LPP: variants seen among roughly 807,000 people sequenced by gnomAD.
LPP encodes lipoma-preferred partner.
In LPP, 38 loss-of-function variants were observed where a neutral mutation model predicts 60.4. The ratio of observed to expected loss-of-function variants is 0.63; its 90% CI spans 0.49 to 0.83. The LOEUF (loss-of-function observed/expected upper bound fraction) is 0.83. Ranked by LOEUF, LPP falls within the 40% of genes least tolerant of loss-of-function variation. The pLI is 0.00. For missense variants in LPP, 902 were observed against 783.6 expected, an observed-to-expected ratio of 1.15 and a Z score of -1.80; for synonymous variants, 328 against 290.8, an observed-to-expected ratio of 1.13 and a Z score of -1.30.
At chr3:188,578,881 G>C (rs1835395726) in intron 6 of LPP, among the ~76,000 whole-genome samples, 1 of 152,134 alleles carries the variant, frequency 6.6e-6, no homozygotes, top group African/African-American at 2.4e-5. Context: ...CCCACTCTAA[G>C]CATCTTTCAG....
intron 3 of LPP, among the ~76,000 whole-genome samples, chr3:188,361,670 G>A (rs1460491135): frequency 2.6e-5 from 4 of 151,812 alleles, no homozygotes; most frequent in East Asian, 1.9e-4. Flanking sequence ...GGGTCCAAGC[G>A]ATTCTCATGC....
chr3:188,707,313 G>A (rs1242966277), intron 7 of LPP, among the ~76,000 whole-genome samples: 6 of 152,074 alleles, frequency 3.9e-5, no homozygotes, highest in Non-Finnish European at 1.5e-5. Flanking sequence ...ATAGACAAAG[G>A]CCCCAGTGGC....
rs2150849956 is a variant in LPP, at chr3:188,354,177, A to G, written c.-10+12458A>G. ...TCTGAAAAGAAAAACACACACACAC[A>G]AATGTCGAGCAGTCTTCTTTTTTTA... On this transcript the variant is annotated intron_variant, in intron 3 of 11. Transcript: ENST00000617246. Among the ~76,000 whole-genome samples the G allele has an allele frequency of 2.0e-5, 3 of 152,264 alleles. 1 individual carries two copies. In the South Asian group the frequency reaches 6.2e-4, roughly 32 times the overall value.
intron 9 of LPP, among the ~76,000 whole-genome samples, chr3:188,824,366 A>C (rs1754807107): frequency 6.6e-6 from 1 of 152,342 alleles, no homozygotes; most frequent in African/African-American, 2.4e-5. Context: ...TGAGCTAATT[A>C]GAATTAAATT....
chr3:188,167,208 G>A (rs1577073635), intron 1 of LPP, among the ~76,000 whole-genome samples: 2 of 152,292 alleles, frequency 1.3e-5, no homozygotes, highest in East Asian at 3.9e-4. Context: ...CTCAAAGCCT[G>A]CCATGTTGGC....
chr3:188,438,542 C>T (rs1792951754), intron 4 of LPP, among the ~76,000 whole-genome samples: 1 of 152,106 alleles, frequency 6.6e-6, no homozygotes, highest in South Asian at 2.1e-4. Context: ...AACCTGGCCC[C>T]AGAGCTTACT....
chr3:188,735,326 G>T (rs2150096967), intron 8 of LPP, among the ~76,000 whole-genome samples: 1 of 151,898 alleles, frequency 6.6e-6, no homozygotes, highest in African/African-American at 2.4e-5. Flanking sequence ...CATTTATTGT[G>T]ATTTAATTCT....
At chr3:188,444,151 T>A (rs1794678379) in intron 4 of LPP, among the ~76,000 whole-genome samples, 1 of 152,224 alleles carries the variant, frequency 6.6e-6, no homozygotes, top group Non-Finnish European at 1.5e-5. Flanking sequence ...GGGAAGGGAA[T>A]AACTAAATAA....
intron 8 of LPP, among the ~76,000 whole-genome samples, chr3:188,751,129 G>C (rs141318795): frequency 0.01 from 1,535 of 152,234 alleles, 6 homozygotes; most frequent in South Asian, 0.017. Flanking sequence ...TTCTGTTGCT[G>C]GCTGCTGAAA....
rs566216252 is a variant in LPP, at chr3:188,352,346, G to C, written c.-10+10627G>C. Among the ~76,000 whole-genome samples the C allele has an allele frequency of 2.6e-5, 4 of 152,340 alleles. No homozygotes were observed. Among genetic ancestry groups the C allele is most frequent in the African/African-American group, 9.6e-5 (4 of 41,582 alleles). On this transcript the variant is annotated intron_variant, in intron 3 of 11. Coordinates refer to ENST00000617246, the MANE Select transcript of LPP (RefSeq NM_001375462.1). The surrounding 1 kb of genome is among the most constrained non-coding windows in gnomAD (Gnocchi z 4.4). Reference sequence around the variant, plus strand: ...TTTTTCTCCCCACCTTTGGCAGCTTGTGAGCGGTGTTGCCATGACACTCCT... The same window carrying C: ...TTTTTCTCCCCACCTTTGGCAGCTTCTGAGCGGTGTTGCCATGACACTCCT...
intron 1 of LPP, chr3:188,213,093 G>A (rs1293250008): frequency 2.0e-5 from 3 of 152,190 alleles, no homozygotes; most frequent in African/African-American, 7.2e-5. Context: ...TGGGTAGAAA[G>A]ACAATTTGGG....
chr3:188,226,607 G>C (rs919070269), intron 2 of LPP, among the ~76,000 whole-genome samples: 3 of 152,174 alleles, frequency 2.0e-5, no homozygotes, highest in Admixed American at 2.0e-4. Flanking sequence ...AAATTAGTAA[G>C]GGAATTCTGG....
At chr3:188,506,836 T>C (rs1813613404) in intron 5 of LPP, among the ~76,000 whole-genome samples, 1 of 152,120 alleles carries the variant, frequency 6.6e-6, no homozygotes. Flanking sequence ...CTTGCTCTGT[T>C]GCCCAGGCTG....
At chr3:188,334,422 C>CTTTTTTTTTTTTT (rs71167095) in intron 2 of LPP, among the ~76,000 whole-genome samples, 5 of 98,674 alleles carry the variant, frequency 5.1e-5, no homozygotes, top group Admixed American at 1.3e-4. Context: ...ATATTTCTTT[C>CTTTTTTTTTTTTT]TTTTTTTTTT....
chr3:188,349,638 C>G (rs1012579858), intron 3 of LPP, among the ~76,000 whole-genome samples: 1 of 152,196 alleles, frequency 6.6e-6, no homozygotes, highest in Non-Finnish European at 1.5e-5. Context: ...GCTTCTGTGG[C>G]TCTTTCTTTC....
chr3:188,839,319 A>G (rs1759312699), intron 9 of LPP, among the ~76,000 whole-genome samples: 1 of 152,136 alleles, frequency 6.6e-6, no homozygotes, highest in Non-Finnish European at 1.5e-5. Context: ...GCAAGGGCCG[A>G]TCATTACTCT....
intron 9 of LPP, among the ~76,000 whole-genome samples, chr3:188,839,345 C>T (rs1759318895): frequency 6.6e-6 from 1 of 152,278 alleles, no homozygotes; most frequent in African/African-American, 2.4e-5. Flanking sequence ...GATTTCAAGG[C>T]CCACAGCTCC....
Position 188,369,294 on chromosome 3 carries a change from T to G in LPP, c.-10+27575T>G, listed in dbSNP as rs73050715. Among the ~76,000 whole-genome samples the G allele has an allele frequency of 1.5e-3, 220 of 144,096 alleles. 1 individual carries two copies. Among genetic ancestry groups the G allele is most frequent in the African/African-American group, 5.2e-3 (209 of 39,824 alleles). The allele number at this position is 144,096 out of a possible 152,430, so 94.5% of individuals were successfully genotyped here. On this transcript the variant is annotated intron_variant, in intron 3 of 11. Coordinates refer to ENST00000617246, the MANE Select transcript of LPP (RefSeq NM_001375462.1). ...TGATAGGTTGGGGATCACAGGAAAG[T>G]TTTTTTTTTTTTAAATTCTCCATTA...
intron 9 of LPP, among the ~76,000 whole-genome samples, chr3:188,855,353 T>A (rs1285948220): frequency 6.6e-6 from 1 of 152,224 alleles, no homozygotes; most frequent in Non-Finnish European, 1.5e-5. Context: ...AGTAGTGTCT[T>A]GAACAAACTA....
Sources: gnomAD v4.1 joint callset for allele counts (sites outside exome capture counted in the v4.1 genomes callset) on GRCh38, gnomAD v4.1.1 for gene constraint, Gnocchi (gnomAD v3.1) non-coding constraint, MANE v1.5 for transcripts, NCBI Gene and HGNC (gene_info 2026-07-23, HGNC 2026-07-21) for gene names.